The following KCNQ1OT1 variants were observed in gnomAD, a reference collection of about 807,000 sequenced individuals.
KCNQ1OT1 encodes KCNQ1 opposite strand/antisense transcript 1, also known as KCNQ1 antisense RNA 2 (non-protein coding).
chr11:2,655,174 G>A (rs1278067532), exon 1 of KCNQ1OT1: 1 of 398,466 alleles, frequency 2.5e-6, no homozygotes, highest in African/African-American at 2.1e-5. Flanking sequence ...CTGTTCTCTT[G>A]AGAGGGTGAG....
In KCNQ1OT1 at chr11:2,673,685, G is replaced by GT. The variant is rs1232685285; in HGVS notation, n.26309dup. The GT allele has an allele frequency of 2.5e-6, 1 of 398,550 alleles. No individual in the cohort carries two copies. Among genetic ancestry groups the GT allele is most frequent in the Admixed American group, 4.4e-5 (1 of 22,710 alleles). 24.7% of individuals were successfully genotyped at this position (398,550 alleles called of 1,614,324 possible). A position where few individuals can be genotyped will look rare whatever the true frequency, so the allele number is the denominator to read the frequency against. On this transcript the variant is annotated non_coding_transcript_exon_variant, in exon 1 of 1. Coordinates refer to ENST00000597346, the Ensembl canonical transcript of KCNQ1OT1. The surrounding 1 kb of genome is among the most constrained non-coding windows in gnomAD (Gnocchi z 4.5). ...TCTGCATAGGTGTTTTCCTATAAAT[G>GT]TTTAATTCCTGAGGTTGCTGAATCT...
At chr11:2,641,705 C>T (rs1849579785) in exon 1 of KCNQ1OT1, 1 of 398,292 alleles carries the variant, frequency 2.5e-6, no homozygotes, top group Non-Finnish European at 4.4e-6. Context: ...TAAAATCTTT[C>T]CCTAGACCAA....
rs1850120410 is a variant in KCNQ1OT1 at position 2,668,321 on chromosome 11, C to T, written n.31674G>A. On this transcript the variant is annotated non_coding_transcript_exon_variant, in exon 1 of 1. Coordinates refer to ENST00000597346, the Ensembl canonical transcript of KCNQ1OT1. The surrounding 1 kb of genome is among the most constrained non-coding windows in gnomAD (Gnocchi z 4.3). ...GGTTGCGTTTCTGGGGAATATATGC[C>T]TATGTGTGGAGCTGCAGGGTCCTGG... 2.5e-6 allele frequency: 1 copy of T among 398,598 alleles called. No individual in the cohort carries two copies. The highest frequency in any genetic ancestry group is 4.4e-6 in the Non-Finnish European group (1 of 226,088). 24.7% of individuals were successfully genotyped at this position (398,598 alleles called of 1,614,324 possible). A position where few individuals can be genotyped will look rare whatever the true frequency, so the allele number is the denominator to read the frequency against.
exon 1 of KCNQ1OT1, chr11:2,660,452 C>T: frequency 2.5e-6 from 1 of 398,566 alleles, no homozygotes; most frequent in East Asian, 3.6e-5. Context: ...ATAAAAGCAA[C>T]ATAATTCAGG....
At position 2,683,628 on chromosome 11, in the gene KCNQ1OT1, C is replaced by T. The variant is rs1045566616; in HGVS notation, n.16367G>A. On this transcript the variant is annotated non_coding_transcript_exon_variant, in exon 1 of 1. Transcript: ENST00000597346. This position sits in a 1 kb window ranked among gnomAD's most constrained non-coding sequence, Gnocchi z 4.7. The stretch of plus-strand genomic sequence containing the variant: ...CAAATACTGCTCTAGACAACTGGGC[C>T]CTGCATCTGCTGCAAGGAACATCCC... 2 of 398,512 alleles carry T rather than the reference C, an allele frequency of 5.0e-6. No individual in the cohort carries two copies. The highest frequency in any genetic ancestry group is 4.1e-5 in the African/African-American group (2 of 48,626). 24.7% of individuals were successfully genotyped at this position (398,512 alleles called of 1,614,324 possible). A position where few individuals can be genotyped will look rare whatever the true frequency, so the allele number is the denominator to read the frequency against.
chr11:2,658,247 G>A lies in KCNQ1OT1; in HGVS notation n.41748C>T, dbSNP rs527256917. The A allele has an allele frequency of 2.3e-4, 92 of 398,460 alleles. 2 individuals are homozygous for A. In the South Asian group the frequency reaches 6.1e-3, roughly 26 times the overall value. 24.7% of individuals were successfully genotyped at this position (398,460 alleles called of 1,614,324 possible). A position where few individuals can be genotyped will look rare whatever the true frequency, so the allele number is the denominator to read the frequency against. ...TCGTTTTCCTGCAGCAAATATTACC[G>A]TGATGTACTTCTATTTTCCTCATTC... On this transcript the variant is annotated non_coding_transcript_exon_variant, in exon 1 of 1. Coordinates refer to ENST00000597346, the Ensembl canonical transcript of KCNQ1OT1. This position sits in a 1 kb window ranked among gnomAD's most constrained non-coding sequence, Gnocchi z 4.9.
rs984915440 is a variant in KCNQ1OT1, at chr11:2,651,894, G to A, written n.48101C>T. On this transcript the variant is annotated non_coding_transcript_exon_variant, in exon 1 of 1. Coordinates refer to ENST00000597346, the Ensembl canonical transcript of KCNQ1OT1. The surrounding 1 kb of genome is among the most constrained non-coding windows in gnomAD (Gnocchi z 6.1). Reference sequence around the variant, plus strand: ...TGTTCAGGCTGAGGGGGTCATAGCCGAGGGTCCCTCTGGGGCCGCTTGCTC... The same window carrying A: ...TGTTCAGGCTGAGGGGGTCATAGCCAAGGGTCCCTCTGGGGCCGCTTGCTC... 3 of 398,598 alleles carry A rather than the reference G, an allele frequency of 7.5e-6. No homozygotes were observed. Among genetic ancestry groups the A allele is most frequent in the African/African-American group, 4.1e-5 (2 of 48,610 alleles). The allele number at this position is 398,598 out of a possible 1,614,324, so 24.7% of individuals were successfully genotyped here.
Position 2,642,388 on chromosome 11 carries a change from G to T in KCNQ1OT1, n.57607C>A. 2.5e-6 allele frequency: 1 copy of T among 398,028 alleles called. No homozygotes were observed. Among genetic ancestry groups the T allele is most frequent in the South Asian group, 1.3e-4 (1 of 7,818 alleles). 24.7% of individuals were successfully genotyped at this position (398,028 alleles called of 1,614,324 possible). On this transcript the variant is annotated non_coding_transcript_exon_variant, in exon 1 of 1. Coordinates refer to ENST00000597346, the Ensembl canonical transcript of KCNQ1OT1. This position sits in a 1 kb window ranked among gnomAD's most constrained non-coding sequence, Gnocchi z 4.3. ...TGGTTGTAAAAGATAATGCCTTCTT[G>T]ATTTCTTTCTCAGCTGGTTCTTTAT...
exon 1 of KCNQ1OT1, chr11:2,635,989 G>T (rs1849458201): frequency 6.6e-6 from 1 of 152,142 alleles, no homozygotes; most frequent in African/African-American, 2.4e-5. Context: ...CTGTTTGTCT[G>T]TTATTGGTGT....
In KCNQ1OT1 at chr11:2,670,602, C is replaced by T. The variant is rs1850165567; in HGVS notation, n.29393G>A. 2.5e-6 allele frequency: 1 copy of T among 398,306 alleles called. No homozygotes were observed. The allele number at this position is 398,306 out of a possible 1,614,324, so 24.7% of individuals were successfully genotyped here. On this transcript the variant is annotated non_coding_transcript_exon_variant, in exon 1 of 1. Transcript: ENST00000597346. The surrounding 1 kb of genome is among the most constrained non-coding windows in gnomAD (Gnocchi z 4.9). ...AGAAGCCAGGGCTCATTCCCAGACA[C>T]ACAATCTCTGGGGGAGCCTGGATAT...
chr11:2,618,650 C>T (rs1849111599), exon 1 of KCNQ1OT1: 1 of 398,476 alleles, frequency 2.5e-6, no homozygotes, highest in Admixed American at 4.4e-5. Flanking sequence ...TTTTTCAGAA[C>T]AGAATTTTCA....
At chr11:2,662,457 G>A (rs1055270971) in exon 1 of KCNQ1OT1, 17 of 478,162 alleles carry the variant, frequency 3.6e-5, no homozygotes, top group Admixed American at 3.7e-5. Flanking sequence ...AAGCCATGGG[G>A]CAGATGCCGG....
chr11:2,688,437 T>C, exon 1 of KCNQ1OT1: 1 of 398,776 alleles, frequency 2.5e-6, no homozygotes, highest in Non-Finnish European at 4.4e-6. Context: ...AGCCCCTGCC[T>C]GTGCCATCAC....
exon 1 of KCNQ1OT1, chr11:2,662,010 A>T: frequency 6.2e-7 from 1 of 1,614,150 alleles, no homozygotes; most frequent in Non-Finnish European, 8.5e-7. Context: ...ATTTCATGAG[A>T]ACCAACAGCT....
chr11:2,648,589 C>A, exon 1 of KCNQ1OT1: 1 of 398,428 alleles, frequency 2.5e-6, no homozygotes, highest in Non-Finnish European at 4.4e-6. Flanking sequence ...TTCAGAAGTT[C>A]CTCTTGTTAT....
rs999754019 is a variant in KCNQ1OT1 at position 2,657,776 on chromosome 11, A to G, written n.42219T>C. 2.8e-5 allele frequency: 11 copies of G among 398,544 alleles called. 2 individuals carry two copies. The highest frequency in any genetic ancestry group is 4.4e-5 in the Admixed American group (1 of 22,736). 24.7% of individuals were successfully genotyped at this position (398,544 alleles called of 1,614,324 possible). ...CAGTCTTGTTCTTCATTAACTTGAC[A>G]CTTTTGAAGAATACCAGTCAGGTGT... On this transcript the variant is annotated non_coding_transcript_exon_variant, in exon 1 of 1. Transcript: ENST00000597346. This position sits in a 1 kb window ranked among gnomAD's most constrained non-coding sequence, Gnocchi z 4.8.
exon 1 of KCNQ1OT1, chr11:2,634,107 T>C: frequency 2.5e-6 from 1 of 398,116 alleles, no homozygotes; most frequent in Non-Finnish European, 4.4e-6. Flanking sequence ...ATTGTGTTTT[T>C]GCTATTTCGG....
In KCNQ1OT1 at chr11:2,652,693, G is replaced by A. The variant is rs180782813; in HGVS notation, n.47302C>T. ...CGATTTTAGTTGTGTGGGTGGCTGT[G>A]TTGCTCTCTTTCCGTTTCCTGGGCT... On this transcript the variant is annotated non_coding_transcript_exon_variant, in exon 1 of 1. Coordinates refer to ENST00000597346, the Ensembl canonical transcript of KCNQ1OT1. This position sits in a 1 kb window ranked among gnomAD's most constrained non-coding sequence, Gnocchi z 5.9. The A allele has an allele frequency of 1.3e-5, 5 of 398,746 alleles. No homozygotes were observed. Among genetic ancestry groups the A allele is most frequent in the Non-Finnish European group, 2.2e-5 (5 of 226,302 alleles). The allele number at this position is 398,746 out of a possible 1,614,324, so 24.7% of individuals were successfully genotyped here. A position where few individuals can be genotyped will look rare whatever the true frequency, so the allele number is the denominator to read the frequency against.
At chr11:2,614,961 T>C (rs76755549) in exon 1 of KCNQ1OT1, 7,099 of 398,462 alleles carry the variant, frequency 0.018, 77 homozygotes, top group Middle Eastern at 0.041. Context: ...AAGGGTTGCA[T>C]TGAATCTGTA....
Sources: allele counts gnomAD v4.1 joint callset, GRCh38; gene constraint gnomAD v4.1.1; non-coding constraint Gnocchi (gnomAD v3.1); transcripts MANE v1.5; gene names NCBI Gene and HGNC (gene_info 2026-07-23, HGNC 2026-07-21).